Variants in SRGAP3 observed in about 807,000 individuals in gnomAD.
SRGAP3 encodes the protein SLIT-ROBO Rho GTPase-activating protein 3.
Under a neutral mutation model 121.1 loss-of-function variants are expected in SRGAP3, and 39 were observed. The observed-to-expected ratio is 0.32, with a 90% confidence interval of 0.25 to 0.42. SRGAP3 has a LOEUF of 0.42. SRGAP3 is among the 10% of genes least tolerant of loss of function. SRGAP3 has a pLI of 1.00. For synonymous variants in SRGAP3, 601 were observed against 570.0 expected (o/e 1.05, Z -0.77); for missense variants, 1,213 against 1,470.6 (o/e 0.82, Z 2.86).
intron 1 of SRGAP3, among the ~76,000 whole-genome samples, chr3:9,141,765 C>T (rs182685828): frequency 2.6e-5 from 4 of 152,288 alleles, no homozygotes; most frequent in East Asian, 3.9e-4. Context: ...CAACCCCTTT[C>T]GGTCATCACT....
intron 1 of SRGAP3, among the ~76,000 whole-genome samples, chr3:9,220,763 A>G (rs78872496): frequency 1.3e-5 from 2 of 152,338 alleles, no homozygotes; most frequent in East Asian, 3.9e-4. Flanking sequence ...ACCTAAAGCC[A>G]CATTGATCAC....
chr3:9,257,698 C>CT lies in SRGAP3; in HGVS notation n.442+68311dup, dbSNP rs386395913. Among the ~76,000 whole-genome samples the CT allele has an allele frequency of 0.012, 886 of 73,158 alleles. 232 individuals are homozygous for CT. In the East Asian group the frequency reaches 0.16, roughly 13 times the overall value. 48.0% of individuals were successfully genotyped at this position (73,158 alleles called of 152,430 possible). Reference sequence around the variant, plus strand: ...ACTCACTCATTAAACAAAATAGCTCCTTTTTTTTTTTTTTTTTTTTTTTTT... The same window carrying CT: ...ACTCACTCATTAAACAAAATAGCTCCTTTTTTTTTTTTTTTTTTTTTTTTTT... On this transcript the variant is annotated intron_variant and non_coding_transcript_variant, in intron 3 of 3. Transcript: ENST00000490889.
intron 1 of SRGAP3, among the ~76,000 whole-genome samples, chr3:9,186,181 C>G (rs1446965317): frequency 1.3e-5 from 2 of 152,180 alleles, no homozygotes; most frequent in African/African-American, 4.8e-5. Flanking sequence ...GCCTTTGAAC[C>G]TGGAGTCTTG....
At chr3:9,156,208 A>C (rs932318937) in intron 1 of SRGAP3, among the ~76,000 whole-genome samples, 2 of 152,112 alleles carry the variant, frequency 1.3e-5, no homozygotes, top group Non-Finnish European at 2.9e-5. Context: ...ATCAGAAGTG[A>C]GTTTGGGAGG....
Position 9,081,370 on chromosome 3 carries a change from C to G in SRGAP3, c.424-1283G>C, listed in dbSNP as rs552075028. 1.1e-5 allele frequency: 5 copies of G among 442,326 alleles called. No homozygotes were observed. In the East Asian group the frequency reaches 3.6e-4, roughly 32 times the overall value. 27.4% of individuals were successfully genotyped at this position (442,326 alleles called of 1,614,324 possible). ...GCCTCTGGGGCACAAGGCAAAAGAT[C>G]TAGCTTCTCATTTCCACTGTTGGCT... On this transcript the variant is annotated intron_variant, in intron 3 of 21. Coordinates refer to ENST00000383836, the MANE Select transcript of SRGAP3 (RefSeq NM_014850.4).
intron 3 of SRGAP3, among the ~76,000 whole-genome samples, chr3:9,277,090 A>G (rs2125263408): frequency 6.6e-6 from 1 of 152,352 alleles, no homozygotes; most frequent in East Asian, 1.9e-4. Context: ...CTATTATAAA[A>G]GATTATCTTG....
chr3:9,276,575 A>G (rs1331861683), intron 3 of SRGAP3, among the ~76,000 whole-genome samples: 1 of 151,918 alleles, frequency 6.6e-6, no homozygotes, highest in African/African-American at 2.4e-5. Flanking sequence ...ATAGGCACAC[A>G]CCACCACACC....
chr3:9,107,744 TGCATACTCAA>T (rs892743872), intron 2 of SRGAP3, among the ~76,000 whole-genome samples: 2 of 152,248 alleles, frequency 1.3e-5, no homozygotes, highest in African/African-American at 4.8e-5. Flanking sequence ...GTGATTTGGA[TGCATACTCAA>T]GTTACAGAAC....
intron 3 of SRGAP3, among the ~76,000 whole-genome samples, chr3:9,103,426 G>A (rs1418125453): frequency 6.6e-6 from 1 of 152,206 alleles, no homozygotes; most frequent in Non-Finnish European, 1.5e-5. Context: ...CAACAAGCCT[G>A]TTAATCCTTC....
At chr3:9,053,735 A>G (rs1044944112) in intron 8 of SRGAP3, among the ~76,000 whole-genome samples, 7 of 152,238 alleles carry the variant, frequency 4.6e-5, no homozygotes, top group Non-Finnish European at 1.0e-4. Context: ...AGCTGAGAAA[A>G]GGAAAACTCC....
At chr3:9,053,333 G>T in intron 8 of SRGAP3, 109 bp from the exon 9 acceptor site, 1 of 1,086,632 alleles carries the variant, frequency 9.2e-7, no homozygotes, top group Non-Finnish European at 1.4e-6. Context: ...AAGTCCCTAG[G>T]ATATAGGCAG....
rs149998178 is a variant in SRGAP3 at position 8,983,204 on chromosome 3, A to G, written c.*2315T>C. The G allele has an allele frequency of 5.5e-3, 1,237 of 226,768 alleles. 10 individuals carry two copies. The highest frequency in any genetic ancestry group is 0.025 in the African/African-American group (1,137 of 44,988). The allele number at this position is 226,768 out of a possible 1,614,324, so 14.0% of individuals were successfully genotyped here. A position where few individuals can be genotyped will look rare whatever the true frequency, so the allele number is the denominator to read the frequency against. On this transcript the variant is annotated 3_prime_UTR_variant, in exon 22 of 22. Coordinates refer to ENST00000383836, the MANE Select transcript of SRGAP3 (RefSeq NM_014850.4). ...AGCCTCTGCTCCTAGCCAGTGTCAA[A>G]TCTTGGGCAGGTCACAGCACAGCCC... is the stretch of plus-strand genomic sequence containing the variant.
At chr3:9,124,312 A>G (rs1018774404) in intron 2 of SRGAP3, among the ~76,000 whole-genome samples, 3 of 152,230 alleles carry the variant, frequency 2.0e-5, no homozygotes, top group African/African-American at 7.2e-5. Flanking sequence ...AACAAAATTC[A>G]GAAGAAGGCT....
At chr3:9,133,390 G>A (rs888027760) in intron 1 of SRGAP3, among the ~76,000 whole-genome samples, 6 of 151,976 alleles carry the variant, frequency 3.9e-5, no homozygotes, top group South Asian at 4.1e-4. Context: ...AGGCTGAAGC[G>A]GGAGAATTGC....
intron 3 of SRGAP3, among the ~76,000 whole-genome samples, chr3:9,288,130 GTT>G (rs57076828): frequency 1.0e-4 from 12 of 119,082 alleles, no homozygotes; most frequent in African/African-American, 3.5e-4. Flanking sequence ...TTCTATCTTT[GTT>G]TTTTTTTTTT....
intron 4 of SRGAP3, among the ~76,000 whole-genome samples, chr3:9,069,534 G>C (rs1023136575): frequency 2.0e-5 from 3 of 152,174 alleles, no homozygotes; most frequent in African/African-American, 7.2e-5. Context: ...GACTTCGTAG[G>C]GATGTGTCAG....
At chr3:9,240,723 G>A (rs1467635086) in intron 1 of SRGAP3, among the ~76,000 whole-genome samples, 1 of 152,204 alleles carries the variant, frequency 6.6e-6, no homozygotes, top group Non-Finnish European at 1.5e-5. Flanking sequence ...AACAAATAGA[G>A]TTGGACTAGA....
chr3:9,256,170 C>T (rs1954129078), intron 3 of SRGAP3, among the ~76,000 whole-genome samples: 1 of 151,770 alleles, frequency 6.6e-6, no homozygotes, highest in Admixed American at 6.5e-5. Flanking sequence ...TGTCACGGAG[C>T]TGCTGGGCAA....
At chr3:9,027,174 A>G (rs1703127) in intron 12 of SRGAP3, among the ~76,000 whole-genome samples, 179 bp from the exon 13 acceptor site, 25,299 of 152,242 alleles carry the variant, frequency 0.17, 2,670 homozygotes, top group Admixed American at 0.31. Flanking sequence ...AGAGTCTTCA[A>G]CTGTATGCAC....
Sources: gnomAD v4.1 joint callset for allele counts (sites outside exome capture counted in the v4.1 genomes callset) on GRCh38, gnomAD v4.1.1 for gene constraint, MANE v1.5 for transcripts, NCBI Gene and HGNC (gene_info 2026-07-23, HGNC 2026-07-21) for gene names.